Variants in LRRC28 observed in about 807,000 individuals in gnomAD.
LRRC28 encodes leucine rich repeat containing 28.
Under a neutral mutation model 45.7 loss-of-function variants are expected in LRRC28, and 39 were observed. That is an observed-to-expected ratio of 0.85 (90% CI 0.66 to 1.12). The LOEUF is 1.12. LRRC28 is among the 50% of genes most tolerant of loss of function. LRRC28 has a pLI of 0.00. For missense variants in LRRC28, 435 were observed against 438.5 expected (o/e 0.99, Z 0.07); for synonymous variants, 206 against 178.8 (o/e 1.15, Z -1.22).
chr15:99,361,975 T>A (rs888695381), intron 8 of LRRC28, among the ~76,000 whole-genome samples: 1 of 152,180 alleles, frequency 6.6e-6, no homozygotes, highest in East Asian at 1.9e-4. Context: ...CCTCCTCGCA[T>A]CTCAGCAATA....
chr15:99,269,414 CTT>C (rs369037768), intron 2 of LRRC28, among the ~76,000 whole-genome samples: 2 of 146,158 alleles, frequency 1.4e-5, no homozygotes, highest in Non-Finnish European at 3.0e-5. Context: ...GTGCTGTTAA[CTT>C]TTTTTTTTTT....
At chr15:99,282,191 T>TTTTTTTTTTTTTG (rs1327794715) in intron 3 of LRRC28, among the ~76,000 whole-genome samples, 51 of 138,364 alleles carry the variant, frequency 3.7e-4, no homozygotes, top group East Asian at 2.7e-3. Context: ...TTTTTTTTTT[T>TTTTTTTTTTTTTG]GTAGCAGTAG....
chr15:99,263,128 C>T (rs1388370490), intron 2 of LRRC28, among the ~76,000 whole-genome samples: 1 of 139,862 alleles, frequency 7.1e-6, no homozygotes, highest in Non-Finnish European at 1.5e-5. Flanking sequence ...TGGGCAACAT[C>T]ACAAAATGCT....
At chr15:99,303,872 G>A (rs895385669) in intron 5 of LRRC28, among the ~76,000 whole-genome samples, 2 of 151,948 alleles carry the variant, frequency 1.3e-5, no homozygotes, top group Non-Finnish European at 1.5e-5. Context: ...TCAAATGGAG[G>A]CAAAGCTAGT....
At chr15:99,325,032 A>G (rs546033255) in intron 5 of LRRC28, among the ~76,000 whole-genome samples, 1 of 152,324 alleles carries the variant, frequency 6.6e-6, no homozygotes, top group African/African-American at 2.4e-5. Flanking sequence ...GGAGTGTGCC[A>G]TCTCACCAGT....
rs982345104 is a variant in LRRC28, at chr15:99,385,180, C to G, written c.1032-850C>G. Among the ~76,000 whole-genome samples the G allele has an allele frequency of 2.0e-5, 3 of 152,218 alleles. No individual in the cohort carries two copies. In the East Asian group the frequency reaches 5.8e-4, roughly 29 times the overall value. The stretch of plus-strand genomic sequence containing the variant: ...ATACTCAACCTTCCTTCTTCCTGCC[C>G]TTCAGCCCCCTGCTGGTGCCTCCTG... On this transcript the variant is annotated intron_variant, in intron 9 of 9. Coordinates refer to ENST00000301981, the MANE Select transcript of LRRC28 (RefSeq NM_144598.5).
intron 3 of LRRC28, chr15:99,285,612 C>T (rs560574854): frequency 8.9e-6 from 6 of 676,958 alleles, no homozygotes; most frequent in African/African-American, 7.2e-5. Context: ...ACGATGCTTC[C>T]TCAGCAGCAT....
chr15:99,275,410 C>A (rs1172804022), intron 2 of LRRC28, among the ~76,000 whole-genome samples: 1 of 152,192 alleles, frequency 6.6e-6, no homozygotes, highest in East Asian at 1.9e-4. Context: ...TCTGACACTC[C>A]CTTGGACCAC....
intron 2 of LRRC28, among the ~76,000 whole-genome samples, chr15:99,256,570 T>G (rs1160152436): frequency 6.6e-6 from 1 of 152,214 alleles, no homozygotes; most frequent in Non-Finnish European, 1.5e-5. Flanking sequence ...ATTAAAGCAT[T>G]AAGAGATGCA....
At chr15:99,259,793 G>C in intron 2 of LRRC28, 1 of 1,053,558 alleles carries the variant, frequency 9.5e-7, no homozygotes, top group South Asian at 1.3e-5. Flanking sequence ...GCAGTGATTC[G>C]GTCAGGATGT....
chr15:99,379,704 T>C (rs979038877), intron 9 of LRRC28, among the ~76,000 whole-genome samples: 1 of 152,250 alleles, frequency 6.6e-6, no homozygotes, highest in Non-Finnish European at 1.5e-5. Context: ...CTCTACACAC[T>C]GCTTTAAATG....
chr15:99,319,705 G>A (rs1955728227), intron 5 of LRRC28, among the ~76,000 whole-genome samples: 1 of 151,090 alleles, frequency 6.6e-6, no homozygotes, highest in Non-Finnish European at 1.5e-5. Flanking sequence ...AATTTCTACT[G>A]GGAATTAATT....
At chr15:99,305,369 C>G (rs1397351735) in intron 5 of LRRC28, among the ~76,000 whole-genome samples, 11 of 152,220 alleles carry the variant, frequency 7.2e-5, no homozygotes, top group Middle Eastern at 3.4e-3. Context: ...TTTCTAAACT[C>G]TGATATTTAA....
At chr15:99,317,608 G>A (rs2152273289) in intron 5 of LRRC28, 1 of 152,152 alleles carries the variant, frequency 6.6e-6, no homozygotes, top group Middle Eastern at 3.4e-3. Flanking sequence ...AAAATTAGAT[G>A]TCAGCTTTCT....
rs1043674639 is a variant in LRRC28 at position 99,312,343 on chromosome 15, A to G, written c.386-21580A>G. Among the ~76,000 whole-genome samples the G allele has an allele frequency of 2.6e-5, 4 of 152,220 alleles. No homozygotes were observed. The East Asian group carries it at 5.8e-4, about 22-fold the overall frequency. ...GTTAAAAACTGAGACACTAACACAC[A>G]TATTAGTCTAGGCCTACACAGGGTC... On this transcript the variant is annotated intron_variant, in intron 5 of 9. Transcript: ENST00000301981.
rs1200996081 is a variant in LRRC28, at chr15:99,256,193, T to A, written c.168+68T>A. Reference sequence around the variant, plus strand: ...TGGTCCTGATCAAGATACATTTACATACCCTAAGGTATTCAGACCAAGACT... The same window carrying A: ...TGGTCCTGATCAAGATACATTTACAAACCCTAAGGTATTCAGACCAAGACT... On this transcript the variant is annotated intron_variant, in intron 2 of 9. Transcript: ENST00000301981. 4 of 1,305,884 alleles carry A rather than the reference T, an allele frequency of 3.1e-6. No homozygotes were observed. The African/African-American group carries it at 6.0e-5, about 19-fold the overall frequency. The allele number at this position is 1,305,884 out of a possible 1,614,324, so 80.9% of individuals were successfully genotyped here. A position where few individuals can be genotyped will look rare whatever the true frequency, so the allele number is the denominator to read the frequency against.
At chr15:99,372,874 A>G (rs141967268) in intron 9 of LRRC28, among the ~76,000 whole-genome samples, 5 of 152,276 alleles carry the variant, frequency 3.3e-5, no homozygotes, top group Non-Finnish European at 4.4e-5. Context: ...GAAACTTAAC[A>G]ATCATGGCTC....
chr15:99,312,265 G>T (rs1390867933), intron 5 of LRRC28, among the ~76,000 whole-genome samples: 1 of 152,208 alleles, frequency 6.6e-6, no homozygotes, highest in East Asian at 1.9e-4. Flanking sequence ...AACCTGTGCA[G>T]CATGGTACTA....
chr15:99,380,109 G>A lies in LRRC28; in HGVS notation c.1032-5921G>A, dbSNP rs544684812. ...GATATCCTTGTTAACTTTCTGTCTCGTTGATCTGTCTAATGTTGACAGTGG... is the reference window on the plus strand; with the variant it reads ...GATATCCTTGTTAACTTTCTGTCTCATTGATCTGTCTAATGTTGACAGTGG... On this transcript the variant is annotated intron_variant, in intron 9 of 9. Transcript: ENST00000301981. 4.4e-3 allele frequency among the ~76,000 whole-genome samples: 672 copies of A among 152,220 alleles called. 3 individuals are homozygous for A. The highest frequency in any genetic ancestry group is 7.7e-3 in the Non-Finnish European group (526 of 68,000).
Sources: gnomAD v4.1 joint callset for allele counts (sites outside exome capture counted in the v4.1 genomes callset) on GRCh38, gnomAD v4.1.1 for gene constraint, MANE v1.5 for transcripts, NCBI Gene and HGNC (gene_info 2026-07-23, HGNC 2026-07-21) for gene names.